PRDM11: variants seen among roughly 807,000 people sequenced by gnomAD.
PRDM11 encodes PR/SET domain 11, also known as PR domain-containing protein 11.
Under a neutral mutation model 97.8 loss-of-function variants are expected in PRDM11, and 20 were observed. The observed-to-expected ratio is 0.20, with a 90% CI of 0.14 to 0.30. PRDM11 has a LOEUF of 0.30. Ranked by LOEUF, PRDM11 falls within the 10% of genes least tolerant of loss-of-function variation. The probability of loss-of-function intolerance (pLI) is 1.00; values close to 1 mark genes in which losing one functional copy is unlikely to be tolerated. For missense variants in PRDM11, 1,139 were observed against 1,555.2 expected (o/e 0.73, Z 4.50); for synonymous variants, 599 against 637.7 (o/e 0.94, Z 0.91).
intron 1 of PRDM11, among the ~76,000 whole-genome samples, chr11:45,160,260 G>A (rs945047754): frequency 6.6e-6 from 1 of 152,172 alleles, no homozygotes; most frequent in Non-Finnish European, 1.5e-5. Context: ...TCCCAAGGCA[G>A]CTCATTGGAT....
At chr11:45,119,828 C>G (rs1313346317) in intron 1 of PRDM11, among the ~76,000 whole-genome samples, 1 of 151,960 alleles carries the variant, frequency 6.6e-6, no homozygotes, top group African/African-American at 2.4e-5. Context: ...CTTCTATGAG[C>G]AGCATCTGGC....
At chr11:45,182,598 G>A (rs1852550453) in intron 3 of PRDM11, among the ~76,000 whole-genome samples, 1 of 152,204 alleles carries the variant, frequency 6.6e-6, no homozygotes, top group South Asian at 2.1e-4. Flanking sequence ...GCCCAAAGGG[G>A]TACAGTTGCA....
chr11:45,152,002 C>G (rs948508747), intron 1 of PRDM11, among the ~76,000 whole-genome samples: 3 of 152,186 alleles, frequency 2.0e-5, no homozygotes, highest in Non-Finnish European at 4.4e-5. Flanking sequence ...CCCCAGTTAT[C>G]TCCATGGCAT....
chr11:45,228,102 G>C lies in PRDM11; in HGVS notation c.3477G>C (p.Glu1159Asp), dbSNP rs1442372489. ...AEVLSRMSAL[E>D]QKPALQTMDH... is the part of the protein sequence containing the mutation. ...TCCTCAGTAGGATGTCTGCGCTGGA[G>C]CAGAAGCCAGCACTACAGACCATGG... is the stretch of plus-strand genomic sequence containing the variant. The change falls in exon 8 of 8, where the codon GAG (glutamate) becomes GAC (aspartate). Residue 1159 changes from glutamate to aspartate, a missense_variant. Physicochemically the swap from Glu to Asp is conservative, Grantham distance 45. Transcript: ENST00000683152. The C allele has an allele frequency of 5.2e-6, 8 of 1,533,794 alleles. No individual in the cohort carries two copies. In the South Asian group the frequency reaches 9.5e-5, roughly 18 times the overall value.
At chr11:45,214,598 A>C (rs1420952452) in intron 5 of PRDM11, 1 of 152,106 alleles carries the variant, frequency 6.6e-6, no homozygotes, top group African/African-American at 2.4e-5. Flanking sequence ...TGCTTCCCTC[A>C]AACTGAACAC....
At chr11:45,148,030 G>A (rs1851565987) in intron 1 of PRDM11, among the ~76,000 whole-genome samples, 1 of 152,126 alleles carries the variant, frequency 6.6e-6, no homozygotes, top group African/African-American at 2.4e-5. Context: ...TTTCCTCTTG[G>A]GAGGGAGGAA....
At chr11:45,157,536 C>G (rs1590390036) in intron 1 of PRDM11, among the ~76,000 whole-genome samples, 1 of 152,204 alleles carries the variant, frequency 6.6e-6, no homozygotes, top group South Asian at 2.1e-4. Flanking sequence ...GGACCTACGC[C>G]TTAGAGGACC....
intron 1 of PRDM11, among the ~76,000 whole-genome samples, chr11:45,096,959 T>C (rs1391271428): frequency 6.6e-6 from 1 of 152,218 alleles, no homozygotes; most frequent in Middle Eastern, 3.2e-3. Flanking sequence ...CCAGTCTCCT[T>C]GCTCCTCTGA....
intron 4 of PRDM11, among the ~76,000 whole-genome samples, chr11:45,183,414 A>G (rs545719940): frequency 6.6e-6 from 1 of 152,292 alleles, no homozygotes; most frequent in African/African-American, 2.4e-5. Context: ...CTGGTGGACC[A>G]TTGGGCAGTA....
Position 45,219,814 on chromosome 11 carries a change from G to T in PRDM11, c.742+57G>T, listed in dbSNP as rs1854067578. The T allele has an allele frequency of 6.5e-7, 1 of 1,534,688 alleles. No homozygotes were observed. Among genetic ancestry groups the T allele is most frequent in the Non-Finnish European group, 8.8e-7 (1 of 1,137,112 alleles). On this transcript the variant is annotated intron_variant, in intron 6 of 7. Transcript: ENST00000683152. The surrounding 1 kb of genome is among the most constrained non-coding windows in gnomAD (Gnocchi z 4.2). ...ACCTCTGAGCCCCAGGGGAGGCCTG[G>T]ATAGCTTGTTTTGGAGCTTCCTGAG...
At chr11:45,182,692 G>A (rs535713387) in intron 3 of PRDM11, among the ~76,000 whole-genome samples, 169 bp from the exon 4 acceptor site, 1 of 152,288 alleles carries the variant, frequency 6.6e-6, no homozygotes, top group East Asian at 1.9e-4. Context: ...ACGTAGGCAG[G>A]CCTGTTCTTG....
chr11:45,234,672 G>C lies in PRDM11; in HGVS notation c.*6513G>C, dbSNP rs1288148479. On this transcript the variant is annotated 3_prime_UTR_variant, in exon 8 of 8. Coordinates refer to ENST00000683152, the MANE Select transcript of PRDM11 (RefSeq NM_001384648.1). ...AAGGGACCGAGCCCTCTGTCCAGAG[G>C]GGGACAGCGGTCACAATACTGCTCA... 2 of 152,204 alleles carry C rather than the reference G, an allele frequency of 1.3e-5. No individual in the cohort carries two copies. Among genetic ancestry groups the C allele is most frequent in the African/African-American group, 4.8e-5 (2 of 41,426 alleles). The allele number at this position is 152,204 out of a possible 1,614,324, so 9.4% of individuals were successfully genotyped here.
chr11:45,121,121 G>T (rs1321871447), intron 1 of PRDM11, among the ~76,000 whole-genome samples: 1 of 151,914 alleles, frequency 6.6e-6, no homozygotes, highest in African/African-American at 2.4e-5. Context: ...AGAATAGATG[G>T]TTCAAATAAA....
chr11:45,221,017 C>A (rs1854105786), intron 6 of PRDM11, among the ~76,000 whole-genome samples: 1 of 151,958 alleles, frequency 6.6e-6, no homozygotes, highest in African/African-American at 2.4e-5. Flanking sequence ...GTGTTCCTGA[C>A]CAACTTACTA....
chr11:45,185,435 C>G (rs547044984), intron 4 of PRDM11, among the ~76,000 whole-genome samples: 1 of 152,178 alleles, frequency 6.6e-6, no homozygotes, highest in Admixed American at 6.5e-5. Flanking sequence ...TAGTCATTTC[C>G]TAGAAGTTTG....
At chr11:45,212,741 G>A (rs1028386363) in intron 5 of PRDM11, 5 of 456,312 alleles carry the variant, frequency 1.1e-5, no homozygotes, top group Admixed American at 7.0e-5. Flanking sequence ...CCAGCAGACC[G>A]AGGTGTTCCG....
At chr11:45,145,012 ACT>A (rs1445129237), upstream of PRDM11, among the ~76,000 whole-genome samples, 1 of 151,390 alleles carries the variant, frequency 6.6e-6, no homozygotes. Flanking sequence ...AGTACCCGAC[ACT>A]CTGCCTGGCA....
intron 4 of PRDM11, among the ~76,000 whole-genome samples, chr11:45,203,478 C>T (rs889655953): frequency 1.4e-4 from 21 of 149,110 alleles, no homozygotes; most frequent in African/African-American, 5.2e-4. Flanking sequence ...ATGGGAGAAA[C>T]CCCGGATTAG....
chr11:45,212,204 C>G (rs909534187), intron 5 of PRDM11, among the ~76,000 whole-genome samples: 3 of 152,306 alleles, frequency 2.0e-5, no homozygotes, highest in African/African-American at 7.2e-5. Context: ...GGGCCACGGT[C>G]TCCAAGTCCC....
Sources: allele counts gnomAD v4.1 joint callset (sites outside exome capture counted in the v4.1 genomes callset), GRCh38; gene constraint gnomAD v4.1.1; non-coding constraint Gnocchi (gnomAD v3.1); transcripts MANE v1.5; gene names NCBI Gene and HGNC (gene_info 2026-07-23, HGNC 2026-07-21).